SND1: variants seen among roughly 807,000 people sequenced by gnomAD.
SND1 encodes the protein staphylococcal nuclease and tudor domain containing 1.
In SND1, 38 loss-of-function variants were observed where a neutral mutation model predicts 121.7. The observed-to-expected ratio is 0.31, with a 90% CI of 0.24 to 0.41. The LOEUF (loss-of-function observed/expected upper bound fraction) is 0.41. Ranked by LOEUF, SND1 falls within the 10% of genes least tolerant of loss-of-function variation. SND1 has a pLI of 1.00. For missense variants in SND1, 868 were observed against 1,184.6 expected (o/e 0.73, Z 3.92); for synonymous variants, 401 against 447.4 (o/e 0.90, Z 1.31).
intron 15 of SND1, among the ~76,000 whole-genome samples, chr7:127,934,714 T>C (rs931630969): frequency 6.6e-6 from 1 of 152,028 alleles, no homozygotes; most frequent in Non-Finnish European, 1.5e-5. Flanking sequence ...AAAGTAAGAA[T>C]AGGTTTTAGG....
Position 127,702,517 on chromosome 7 carries a change from A to G in SND1, c.672A>G (p.Ser224=), listed in dbSNP as rs1296730698. ...PDYYLVTVML[S]GIKCPTFRRE... is the part of the protein sequence containing the mutation. ...ACTACCTGGTTACAGTCATGCTGTC[A>G]GGCATCAAGGTCAGACCATACTCTT... The change falls in exon 6 of 24, where the codon TCA becomes TCG. Residue 224 remains serine (S), a synonymous_variant. Coordinates refer to ENST00000354725, the MANE Select transcript of SND1 (RefSeq NM_014390.4). The G allele has an allele frequency of 3.7e-6, 6 of 1,613,906 alleles. No homozygotes were observed. The East Asian group carries it at 6.7e-5, about 18-fold the overall frequency.
rs185764111 is a variant in SND1 at position 127,703,068 on chromosome 7, C to T, written c.682-97C>T. On this transcript the variant is annotated intron_variant, in intron 6 of 23. Coordinates refer to ENST00000354725, the MANE Select transcript of SND1 (RefSeq NM_014390.4). The stretch of plus-strand genomic sequence containing the variant: ...TTTAAGACCTTCCTGAGTTTAGCTT[C>T]GTGGCATGTGTGTTTTTTGGAAGGC... The T allele has an allele frequency of 5.3e-5, 71 of 1,340,132 alleles. No homozygotes were observed. The African/African-American group carries it at 6.4e-4, about 12-fold the overall frequency. 83.0% of individuals were successfully genotyped at this position (1,340,132 alleles called of 1,614,324 possible).
intron 9 of SND1, among the ~76,000 whole-genome samples, chr7:127,713,164 G>T (rs1562987887): frequency 6.6e-6 from 1 of 152,250 alleles, no homozygotes; most frequent in Admixed American, 6.5e-5. Flanking sequence ...CCCTGCCATG[G>T]TAGCAGGAGA....
At chr7:127,872,507 T>C (rs1437971150) in intron 12 of SND1, among the ~76,000 whole-genome samples, 1 of 152,164 alleles carries the variant, frequency 6.6e-6, no homozygotes, top group Non-Finnish European at 1.5e-5. Flanking sequence ...CCATATACAT[T>C]TGTTTTGTTG....
intron 10 of SND1, among the ~76,000 whole-genome samples, chr7:127,735,199 G>C (rs1796752612): frequency 6.6e-6 from 1 of 152,144 alleles, no homozygotes; most frequent in African/African-American, 2.4e-5. Flanking sequence ...CTCCAAAAGT[G>C]CCACCTGGAC....
intron 10 of SND1, among the ~76,000 whole-genome samples, chr7:127,795,590 G>A (rs897273158): frequency 6.6e-6 from 1 of 152,104 alleles, no homozygotes; most frequent in African/African-American, 2.4e-5. Context: ...TAGACTGAGG[G>A]TGTGTTTTTT....
chr7:127,686,691 A>G lies in SND1; in HGVS notation c.157A>G (p.Asn53Asp). ...TCCTGAGCGGCAGATCAACCTCAGC[A>G]ACATTCGTGCTGGAAATCTTGCTCG... is the stretch of plus-strand genomic sequence containing the variant. ...PPPERQINLS[N>D]IRAGNLARRA... The change falls in exon 2 of 24, where the codon AAC becomes GAC. Residue 53 changes from asparagine to aspartate, a missense_variant. Physicochemically the swap from Asn to Asp is conservative, Grantham distance 23. Coordinates refer to ENST00000354725, the MANE Select transcript of SND1 (RefSeq NM_014390.4). 6.2e-7 allele frequency: 1 copy of G among 1,614,154 alleles called. No homozygotes were observed.
At chr7:128,031,927 G>A (rs1792626847) in intron 16 of SND1, 1 of 151,190 alleles carries the variant, frequency 6.6e-6, no homozygotes, top group Admixed American at 6.6e-5. Flanking sequence ...GGTCGCGGCT[G>A]CGGGAAACGC....
In SND1 at chr7:127,694,686, A is replaced by AT. The variant is rs1795977761; in HGVS notation, c.229-137dup. On this transcript the variant is annotated intron_variant, in intron 2 of 23. Coordinates refer to ENST00000354725, the MANE Select transcript of SND1 (RefSeq NM_014390.4). ...GTGCGATCTGCATTGTGTGCATTTC[A>AT]TTTTTATATTCTCAAGGTCCAGCGC... The AT allele has an allele frequency of 3.1e-6, 3 of 959,262 alleles. No individual in the cohort carries two copies. The Admixed American group carries it at 7.1e-5, about 23-fold the overall frequency. 59.4% of individuals were successfully genotyped at this position (959,262 alleles called of 1,614,324 possible).
chr7:127,705,322 G>A (rs2116347829), intron 8 of SND1, among the ~76,000 whole-genome samples: 1 of 152,186 alleles, frequency 6.6e-6, no homozygotes, highest in East Asian at 1.9e-4. Flanking sequence ...AGACAGACAA[G>A]AGCAGGGGTA....
At chr7:127,673,184 ATATAT>A (rs1314654050) in intron 1 of SND1, among the ~76,000 whole-genome samples, 2 of 137,638 alleles carry the variant, frequency 1.5e-5, no homozygotes, top group African/African-American at 2.9e-5. Flanking sequence ...AACATATACT[ATATAT>A]TATAATATAT....
At chr7:127,895,365 G>A (rs191675401) in intron 13 of SND1, among the ~76,000 whole-genome samples, 314 of 152,166 alleles carry the variant, frequency 2.1e-3, no homozygotes, top group African/African-American at 7.1e-3. Context: ...GGTGCCTTAC[G>A]ACTGCCCTCT....
At chr7:127,784,021 G>C (rs1797770010) in intron 10 of SND1, among the ~76,000 whole-genome samples, 1 of 152,148 alleles carries the variant, frequency 6.6e-6, no homozygotes, top group Non-Finnish European at 1.5e-5. Context: ...AAAACGAAGT[G>C]AACAGGAAAT....
chr7:127,959,755 G>A (rs531268119), intron 15 of SND1, among the ~76,000 whole-genome samples: 5 of 152,242 alleles, frequency 3.3e-5, no homozygotes, highest in South Asian at 4.1e-4. Context: ...GTTAAATTGC[G>A]AGAAGGTGAG....
chr7:128,069,892 G>A (rs1189510730), intron 16 of SND1, among the ~76,000 whole-genome samples: 1 of 152,202 alleles, frequency 6.6e-6, no homozygotes, highest in African/African-American at 2.4e-5. Flanking sequence ...GCCAAAGGGA[G>A]GGTGAACCCA....
chr7:128,014,220 G>A (rs1365698426), intron 16 of SND1, among the ~76,000 whole-genome samples: 1 of 152,176 alleles, frequency 6.6e-6, no homozygotes, highest in African/African-American at 2.4e-5. Flanking sequence ...TGGCAGTACT[G>A]TCCTGTCTAT....
intron 10 of SND1, among the ~76,000 whole-genome samples, chr7:127,770,123 A>T (rs1404998022): frequency 6.6e-6 from 1 of 152,204 alleles, no homozygotes; most frequent in East Asian, 1.9e-4. Context: ...AGGGCCCAGA[A>T]GGTCTTAAAC....
chr7:127,670,486 G>A (rs886798342), intron 1 of SND1, among the ~76,000 whole-genome samples: 1 of 152,030 alleles, frequency 6.6e-6, no homozygotes, highest in Admixed American at 6.5e-5. Flanking sequence ...AAGAGTGAAC[G>A]GTTTGCGGCC....
chr7:128,003,104 C>T (rs909365440), intron 16 of SND1, among the ~76,000 whole-genome samples: 1 of 152,246 alleles, frequency 6.6e-6, no homozygotes, highest in Admixed American at 6.5e-5. Context: ...TCCCTGTAGT[C>T]CCAGCTACTC....
Sources: gnomAD v4.1 joint callset for allele counts (sites outside exome capture counted in the v4.1 genomes callset) on GRCh38, gnomAD v4.1.1 for gene constraint, MANE v1.5 for transcripts, NCBI Gene and HGNC (gene_info 2026-07-23, HGNC 2026-07-21) for gene names.